GPC5: variants seen among roughly 807,000 people sequenced by gnomAD.
GPC5 encodes the protein glypican 5.
In GPC5, 47 loss-of-function variants were observed where a neutral mutation model predicts 53.9. The observed-to-expected ratio is 0.87, with a 90% CI of 0.69 to 1.11. The LOEUF is 1.11. Among genes scored for constraint, GPC5 ranks in the 50% most tolerant of loss-of-function variants. GPC5 has a pLI of 0.00. For missense variants in GPC5, 748 were observed against 713.1 expected (o/e 1.05, Z -0.56); for synonymous variants, 286 against 263.3 (o/e 1.09, Z -0.84).
At chr13:92,216,823 A>G (rs1483432050) in intron 7 of GPC5, among the ~76,000 whole-genome samples, 1 of 151,988 alleles carries the variant, frequency 6.6e-6, no homozygotes, top group East Asian at 1.9e-4. Flanking sequence ...CTACCAAAAT[A>G]CAAAGATTAG....
At chr13:92,341,298 A>T (rs1309181388) in intron 7 of GPC5, among the ~76,000 whole-genome samples, 1 of 152,172 alleles carries the variant, frequency 6.6e-6, no homozygotes, top group Non-Finnish European at 1.5e-5. Context: ...AAATAAATTT[A>T]GTCACTAGTT....
At chr13:92,190,963 G>C (rs886738908) in intron 7 of GPC5, among the ~76,000 whole-genome samples, 2 of 152,076 alleles carry the variant, frequency 1.3e-5, no homozygotes, top group Admixed American at 6.6e-5. Context: ...CCTATATGTT[G>C]TCTATAAAAT....
At chr13:92,736,504 C>T (rs1342157699) in intron 7 of GPC5, among the ~76,000 whole-genome samples, 1 of 151,864 alleles carries the variant, frequency 6.6e-6, no homozygotes, top group Non-Finnish European at 1.5e-5. Context: ...CCCATAATCT[C>T]ATGCCTCCTC....
intron 6 of GPC5, among the ~76,000 whole-genome samples, chr13:91,963,180 T>C (rs922585987): frequency 2.6e-5 from 4 of 152,102 alleles, no homozygotes; most frequent in African/African-American, 9.7e-5. Context: ...AAGTCCAAAA[T>C]TATAGAGCTG....
intron 7 of GPC5, among the ~76,000 whole-genome samples, chr13:92,155,566 A>T (rs2041938353): frequency 6.6e-6 from 1 of 151,906 alleles, no homozygotes; most frequent in African/African-American, 2.4e-5. Context: ...AGGAGCACCT[A>T]TTTTTCGTTT....
At chr13:92,829,265 G>C (rs1877964278) in intron 7 of GPC5, among the ~76,000 whole-genome samples, 1 of 152,130 alleles carries the variant, frequency 6.6e-6, no homozygotes, top group South Asian at 2.1e-4. Context: ...TATCTGATGT[G>C]AGAGACCAAA....
At chr13:91,717,717 C>T (rs1009246319) in intron 3 of GPC5, among the ~76,000 whole-genome samples, 5 of 151,886 alleles carry the variant, frequency 3.3e-5, no homozygotes, top group South Asian at 2.1e-4. Flanking sequence ...CCATCATGCC[C>T]GGCTAATTTT....
At chr13:92,001,384 A>G (rs1208638517) in intron 6 of GPC5, among the ~76,000 whole-genome samples, 1 of 152,340 alleles carries the variant, frequency 6.6e-6, no homozygotes, top group East Asian at 1.9e-4. Context: ...TTGAAGGCCA[A>G]TGCTGGATCA....
intron 7 of GPC5, among the ~76,000 whole-genome samples, chr13:92,636,251 A>C (rs532678929): frequency 6.6e-6 from 1 of 152,208 alleles, no homozygotes; most frequent in Admixed American, 6.5e-5. Context: ...TCATTTTTTG[A>C]CCAAACATTT....
intron 1 of GPC5, among the ~76,000 whole-genome samples, chr13:91,411,373 T>C (rs1877774401): frequency 6.6e-6 from 1 of 152,198 alleles, no homozygotes; most frequent in African/African-American, 2.4e-5. Flanking sequence ...TAAGAACTTA[T>C]CTTCCATGTG....
chr13:91,529,432 T>G (rs954505779), intron 2 of GPC5, among the ~76,000 whole-genome samples: 3 of 152,202 alleles, frequency 2.0e-5, no homozygotes, highest in African/African-American at 7.2e-5. Flanking sequence ...TAGATTTCAG[T>G]TTCAGCTGTC....
At chr13:91,497,401 C>T in intron 2 of GPC5, among the ~76,000 whole-genome samples, 1 of 151,934 alleles carries the variant, frequency 6.6e-6, no homozygotes, top group East Asian at 1.9e-4. Context: ...CTGTACTGTT[C>T]TCTAAATAAT....
intron 7 of GPC5, among the ~76,000 whole-genome samples, chr13:92,306,992 ACTT>A (rs1397865997): frequency 3.9e-5 from 6 of 152,196 alleles, no homozygotes; most frequent in African/African-American, 9.7e-5. Context: ...ATAACATAAT[ACTT>A]CTTTTTTTCT....
chr13:92,640,975 TGGCGGG>T (rs1885576885), intron 7 of GPC5, among the ~76,000 whole-genome samples: 1 of 58,782 alleles, frequency 1.7e-5, no homozygotes, highest in Non-Finnish European at 3.3e-5. Context: ...AGTAATGGGG[TGGCGGG>T]GGAGGGGAGG....
intron 2 of GPC5, among the ~76,000 whole-genome samples, chr13:91,461,409 A>G (rs1455694978): frequency 6.6e-6 from 1 of 152,124 alleles, no homozygotes; most frequent in Non-Finnish European, 1.5e-5. Flanking sequence ...GTCTAGAGTT[A>G]AAGGGTCTGG....
intron 7 of GPC5, among the ~76,000 whole-genome samples, chr13:92,635,277 C>T (rs1885376536): frequency 6.6e-6 from 1 of 152,158 alleles, no homozygotes; most frequent in Non-Finnish European, 1.5e-5. Context: ...CTCTATCCAT[C>T]TGTCTCAGCC....
intron 6 of GPC5, among the ~76,000 whole-genome samples, chr13:91,977,261 A>G (rs975936352): frequency 6.6e-6 from 1 of 152,112 alleles, no homozygotes; most frequent in Non-Finnish European, 1.5e-5. Context: ...ATATTGTACT[A>G]TTTTCTTAGC....
chr13:91,792,755 T>C (rs2037987057), intron 5 of GPC5, among the ~76,000 whole-genome samples: 1 of 152,226 alleles, frequency 6.6e-6, no homozygotes, highest in Admixed American at 6.5e-5. Flanking sequence ...TTTTCTGCAT[T>C]TCTTTGGCTT....
intron 7 of GPC5, among the ~76,000 whole-genome samples, chr13:92,789,839 G>A (rs1303968999): frequency 6.6e-6 from 1 of 152,094 alleles, no homozygotes; most frequent in Non-Finnish European, 1.5e-5. Flanking sequence ...TCCCACAATA[G>A]GGTATCTGCA....
Sources: allele counts gnomAD v4.1 joint callset (sites outside exome capture counted in the v4.1 genomes callset), GRCh38; gene constraint gnomAD v4.1.1; transcripts MANE v1.5; gene names NCBI Gene and HGNC (gene_info 2026-07-23, HGNC 2026-07-21).